WDR72: variants seen among roughly 807,000 people sequenced by gnomAD.
The protein encoded by WDR72 is WD repeat domain 72.
Under a neutral mutation model 124.2 loss-of-function variants are expected in WDR72, and 120 were observed. That is an observed-to-expected ratio of 0.97 (90% CI 0.83 to 1.12). WDR72 has a LOEUF of 1.12. WDR72 is among the 50% of genes most tolerant of loss of function. The probability of loss-of-function intolerance (pLI) is 0.00; values close to 1 mark genes in which losing one functional copy is unlikely to be tolerated. For missense variants in WDR72, 1,387 were observed against 1,278.8 expected (o/e 1.08, Z -1.29); for synonymous variants, 452 against 441.7 (o/e 1.02, Z -0.29).
chr15:53,611,535 C>T (rs957243528), intron 16 of WDR72, among the ~76,000 whole-genome samples: 1 of 151,964 alleles, frequency 6.6e-6, no homozygotes, highest in Non-Finnish European at 1.5e-5. Flanking sequence ...GATAACTAAC[C>T]CTAATAAGAG....
Position 53,684,090 on chromosome 15 carries a change from CT to C in WDR72, c.1765+15659del, listed in dbSNP as rs1168340979. 4 of 152,216 alleles carry C rather than the reference CT, an allele frequency of 2.6e-5. No homozygotes were observed. In the East Asian group the frequency reaches 5.8e-4, roughly 22 times the overall value. 9.4% of individuals were successfully genotyped at this position (152,216 alleles called of 1,614,324 possible). Reference sequence around the variant, plus strand: ...AATATGAAAATAAGTATGAGCATATCTTTGTATACGTTAATATATAAAAGAA... The same window carrying C: ...AATATGAAAATAAGTATGAGCATATCTTGTATACGTTAATATATAAAAGAA... On this transcript the variant is annotated intron_variant, in intron 13 of 19. Transcript: ENST00000360509.
intron 14 of WDR72, among the ~76,000 whole-genome samples, chr15:53,651,314 G>A (rs1361533552): frequency 6.6e-6 from 1 of 152,064 alleles, no homozygotes; most frequent in Non-Finnish European, 1.5e-5. Flanking sequence ...AAACCCCTAA[G>A]ACTGTCTATC....
At position 53,678,048 on chromosome 15, in the gene WDR72, C is replaced by T. The variant is rs562395819; in HGVS notation, c.1766-12280G>A. ...GCTATGTGGTAGAGTTACATTTCTA[C>T]CAGAGATTATGGGGACTGGCAGGTT... On this transcript the variant is annotated intron_variant, in intron 13 of 19. Transcript: ENST00000360509. Among the ~76,000 whole-genome samples, 4 of 152,174 alleles carry T rather than the reference C, an allele frequency of 2.6e-5. No individual in the cohort carries two copies. The South Asian group carries it at 6.2e-4, about 24-fold the overall frequency.
At position 53,738,758 on chromosome 15, in the gene WDR72, C is replaced by G. The variant is rs369160110; in HGVS notation, c.-12-5597G>C. 1.8e-4 allele frequency among the ~76,000 whole-genome samples: 28 copies of G among 152,268 alleles called. No homozygotes were observed. The East Asian group carries it at 5.0e-3, about 27-fold the overall frequency. ...GAGTACTGGGATTACAGGCACCCAC[C>G]ACCATGCCTAGCTAATTTTTTTATT... On this transcript the variant is annotated intron_variant, in intron 1 of 19. Transcript: ENST00000360509.
chr15:53,623,777 C>T (rs1341501075), intron 14 of WDR72, among the ~76,000 whole-genome samples: 1 of 152,140 alleles, frequency 6.6e-6, no homozygotes, highest in Non-Finnish European at 1.5e-5. Flanking sequence ...TAAGTATACA[C>T]TGTATACATT....
chr15:53,637,348 G>A (rs1326156751), intron 14 of WDR72, among the ~76,000 whole-genome samples: 2 of 152,098 alleles, frequency 1.3e-5, no homozygotes, highest in Non-Finnish European at 2.9e-5. Flanking sequence ...ATCTGAGTCT[G>A]GGGACCTTTT....
chr15:53,687,356 G>A (rs1353626330), intron 13 of WDR72, among the ~76,000 whole-genome samples: 18 of 150,090 alleles, frequency 1.2e-4, no homozygotes, highest in Admixed American at 1.3e-4. Flanking sequence ...TCAAATAGAC[G>A]CAATAAAAAA....
chr15:53,571,670 C>G (rs879749577), intron 18 of WDR72, among the ~76,000 whole-genome samples: 28 of 152,138 alleles, frequency 1.8e-4, no homozygotes, highest in African/African-American at 6.5e-4. Context: ...AATGCTGCAA[C>G]AAACAGGGGA....
intron 18 of WDR72, among the ~76,000 whole-genome samples, chr15:53,540,406 T>C (rs1218884906): frequency 6.6e-6 from 1 of 152,136 alleles, no homozygotes; most frequent in East Asian, 1.9e-4. Context: ...AGAAAACTTC[T>C]CTGATCACAA....
chr15:53,702,204 TC>T lies in WDR72; in HGVS notation c.1498del (p.Glu500LysfsTer13). The T allele has an allele frequency of 1.9e-6, 3 of 1,614,138 alleles. No homozygotes were observed. The highest frequency in any genetic ancestry group is 2.5e-6 in the Non-Finnish European group (3 of 1,180,014). On this transcript the variant is annotated frameshift_variant, in exon 12 of 20. Coordinates refer to ENST00000360509, the MANE Select transcript of WDR72 (RefSeq NM_182758.4). LOFTEE classifies it high-confidence loss of function. ...CVILWDIFTE[E>X]ILHKFFLEAG... Reference sequence around the variant, plus strand: ...TTCCAAAAAGAATTTATGCAAAATTTCTTCAGTAAAGATATCCCACAAGATC... The same window carrying T: ...TTCCAAAAAGAATTTATGCAAAATTTTTCAGTAAAGATATCCCACAAGATC...
intron 18 of WDR72, among the ~76,000 whole-genome samples, chr15:53,593,321 G>GA (rs2012601578): frequency 6.6e-6 from 1 of 152,060 alleles, no homozygotes; most frequent in South Asian, 2.1e-4. Flanking sequence ...TGCAAGTATG[G>GA]AAAACGTAGC....
intron 14 of WDR72, among the ~76,000 whole-genome samples, chr15:53,641,321 C>G (rs183179367): frequency 9.9e-5 from 15 of 151,914 alleles, no homozygotes; most frequent in Non-Finnish European, 1.9e-4. Context: ...TGTTCTTGAA[C>G]TTGTACCAAG....
chr15:53,626,495 G>C (rs569582954), intron 14 of WDR72, among the ~76,000 whole-genome samples: 1 of 152,338 alleles, frequency 6.6e-6, no homozygotes, highest in Non-Finnish European at 1.5e-5. Context: ...GCGAGCCAAA[G>C]CTCAGCTCCA....
chr15:53,706,178 C>G, intron 9 of WDR72, 104 bp from the exon 10 acceptor site: 1 of 1,223,698 alleles, frequency 8.2e-7, no homozygotes, highest in Non-Finnish European at 1.2e-6. Context: ...TAAATCTTTT[C>G]AATTTATTTC....
chr15:53,686,539 A>C (rs998553748), intron 13 of WDR72, among the ~76,000 whole-genome samples: 3 of 151,968 alleles, frequency 2.0e-5, no homozygotes, highest in African/African-American at 7.3e-5. Flanking sequence ...CACTCAACAC[A>C]AGAGCACCCA....
At chr15:53,573,561 T>C (rs1894638262) in intron 18 of WDR72, among the ~76,000 whole-genome samples, 2 of 152,012 alleles carry the variant, frequency 1.3e-5, no homozygotes, top group Non-Finnish European at 2.9e-5. Flanking sequence ...TTTTTTTTTT[T>C]CGGAGACGGA....
chr15:53,562,847 T>G (rs1216758853), intron 18 of WDR72, among the ~76,000 whole-genome samples: 1 of 151,768 alleles, frequency 6.6e-6, no homozygotes, highest in South Asian at 2.1e-4. Flanking sequence ...TCAAATAAAC[T>G]TATATTATGA....
rs747961104 is a variant in WDR72 at position 53,699,799 on chromosome 15, T to TA, written c.1715dup (p.Leu572PhefsTer8). 6.2e-7 allele frequency: 1 copy of TA among 1,614,114 alleles called. No homozygotes were observed. Among genetic ancestry groups the TA allele is most frequent in the Non-Finnish European group, 8.5e-7 (1 of 1,180,036 alleles). ...CTGAGTCATCTGCACATCCAACAAT[T>TA]AAAAAATTCTCAACCGGGTGCCATT... On this transcript the variant is annotated frameshift_variant, in exon 13 of 20. Coordinates refer to ENST00000360509, the MANE Select transcript of WDR72 (RefSeq NM_182758.4). LOFTEE classifies it high-confidence loss of function.
intron 3 of WDR72, among the ~76,000 whole-genome samples, chr15:53,721,997 C>G (rs2017888966): frequency 1.3e-5 from 2 of 151,432 alleles, no homozygotes; most frequent in African/African-American, 4.8e-5. Flanking sequence ...ATAATTGAGT[C>G]CTCTCCTCTG....
Sources: gnomAD v4.1 joint callset for allele counts (sites outside exome capture counted in the v4.1 genomes callset) on GRCh38, gnomAD v4.1.1 for gene constraint, MANE v1.5 for transcripts, NCBI Gene and HGNC (gene_info 2026-07-23, HGNC 2026-07-21) for gene names.